The following PLPPR5 variants were observed in gnomAD, a reference collection of about 807,000 sequenced individuals.
PLPPR5 encodes the protein phospholipid phosphatase related 5, also known as phospholipid phosphatase-related protein type 5.
A neutral mutation model predicts 33.9 loss-of-function variants in PLPPR5; 16 were observed. The observed-to-expected ratio is 0.47, with a 90% CI of 0.32 to 0.72. The LOEUF is 0.72. Among genes scored for constraint, PLPPR5 ranks in the 30% least tolerant of loss-of-function variants. The pLI is 0.03. For synonymous variants in PLPPR5, 163 were observed against 150.3 expected, an observed-to-expected ratio of 1.08 and a Z score of -0.62; for missense variants, 301 against 406.7, an observed-to-expected ratio of 0.74 and a Z score of 2.23.
intron 1 of PLPPR5, among the ~76,000 whole-genome samples, chr1:98,963,304 A>T (rs771336846): frequency 1.3e-4 from 20 of 152,330 alleles, no homozygotes; most frequent in Non-Finnish European, 2.1e-4. Context: ...GGCACGTTGT[A>T]CATTTATTAT....
intron 1 of PLPPR5, among the ~76,000 whole-genome samples, chr1:99,001,677 T>TATATATAC (rs1570769910): frequency 1.4e-4 from 19 of 135,264 alleles, no homozygotes; most frequent in African/African-American, 4.6e-4. Flanking sequence ...TAAAGATATA[T>TATATATAC]ATATATATAT....
upstream of PLPPR5, chr1:99,005,173 G>C (rs913564533): frequency 6.6e-6 from 1 of 151,586 alleles, no homozygotes; most frequent in Non-Finnish European, 1.5e-5. Flanking sequence ...ATCAAAAGGG[G>C]GGGAGGGGAG....
At chr1:98,991,133 C>T (rs1318684606) in intron 1 of PLPPR5, 2 of 151,908 alleles carry the variant, frequency 1.3e-5, no homozygotes, top group East Asian at 1.9e-4. Flanking sequence ...ACAGTAAACC[C>T]AATTAGATGA....
At chr1:98,923,290 A>G (rs1478831164) in intron 3 of PLPPR5, among the ~76,000 whole-genome samples, 2 of 152,206 alleles carry the variant, frequency 1.3e-5, no homozygotes, top group Non-Finnish European at 2.9e-5. Context: ...AGCAATTGTA[A>G]AAGAAATGAC....
intron 3 of PLPPR5, among the ~76,000 whole-genome samples, chr1:98,947,356 T>G (rs536010354): frequency 6.6e-6 from 1 of 152,326 alleles, no homozygotes; most frequent in African/African-American, 2.4e-5. Flanking sequence ...TAAAGCCACA[T>G]GTCAATCACA....
chr1:98,990,705 CTT>C (rs1652422376), intron 1 of PLPPR5, among the ~76,000 whole-genome samples: 2 of 151,610 alleles, frequency 1.3e-5, no homozygotes, highest in Non-Finnish European at 2.9e-5. Context: ...AAACTAAAGA[CTT>C]GAGTTTTGGA....
At chr1:98,981,609 A>G (rs1007924041) in intron 1 of PLPPR5, among the ~76,000 whole-genome samples, 2 of 152,058 alleles carry the variant, frequency 1.3e-5, no homozygotes, top group Non-Finnish European at 2.9e-5. Flanking sequence ...CCTTTCTTCT[A>G]TCTCTGACTA....
chr1:98,949,425 T>C (rs1301311557), intron 3 of PLPPR5, among the ~76,000 whole-genome samples: 2 of 152,182 alleles, frequency 1.3e-5, no homozygotes, highest in East Asian at 3.8e-4. Flanking sequence ...CAGAAACATA[T>C]TTCTCAGTTA....
chr1:98,912,701 G>T (rs1442551043), intron 5 of PLPPR5, among the ~76,000 whole-genome samples: 1 of 152,164 alleles, frequency 6.6e-6, no homozygotes, highest in Non-Finnish European at 1.5e-5. Flanking sequence ...AAGGAAGAAG[G>T]TGAGAAGGAA....
intron 1 of PLPPR5, among the ~76,000 whole-genome samples, chr1:98,998,837 A>G (rs1364444983): frequency 2.6e-5 from 4 of 152,222 alleles, no homozygotes; most frequent in African/African-American, 9.6e-5. Flanking sequence ...TTTCTCATTT[A>G]TAAAATAAAT....
intron 4 of PLPPR5, among the ~76,000 whole-genome samples, chr1:98,917,383 C>T (rs2101155857): frequency 6.6e-6 from 1 of 152,294 alleles, no homozygotes; most frequent in South Asian, 2.1e-4. Context: ...TCTAAACTAT[C>T]TCTCTAAATC....
intron 3 of PLPPR5, among the ~76,000 whole-genome samples, chr1:98,942,512 G>A (rs1302387237): frequency 2.0e-5 from 3 of 152,198 alleles, no homozygotes; most frequent in Non-Finnish European, 4.4e-5. Flanking sequence ...GGCAGCCACA[G>A]AGGTAAATTT....
At chr1:98,895,024 G>A (rs900120116) in intron 5 of PLPPR5, among the ~76,000 whole-genome samples, 3 of 151,980 alleles carry the variant, frequency 2.0e-5, no homozygotes, top group African/African-American at 7.2e-5. Flanking sequence ...ACAACACAAG[G>A]ACAACAGGCT....
At chr1:98,982,828 G>A (rs1652105432) in intron 1 of PLPPR5, among the ~76,000 whole-genome samples, 1 of 152,026 alleles carries the variant, frequency 6.6e-6, no homozygotes, top group African/African-American at 2.4e-5. Context: ...GAGCCCCAAG[G>A]GTTGTAAGTT....
At chr1:98,951,271 A>T (rs1287986012) in intron 3 of PLPPR5, among the ~76,000 whole-genome samples, 1 of 152,238 alleles carries the variant, frequency 6.6e-6, no homozygotes, top group African/African-American at 2.4e-5. Context: ...ACATGTAGCC[A>T]AGAGATTTCT....
intron 4 of PLPPR5, 59 bp downstream of exon 4, chr1:98,921,823 C>G: frequency 7.3e-7 from 1 of 1,377,386 alleles, no homozygotes; most frequent in Non-Finnish European, 1.0e-6. Flanking sequence ...TGTATTTTCT[C>G]ATGGTGATTA....
Position 98,988,965 on chromosome 1 carries a change from G to T in PLPPR5, c.237+15470C>A, listed in dbSNP as rs80198121. Among the ~76,000 whole-genome samples the T allele has an allele frequency of 2.0e-5, 3 of 152,184 alleles. No homozygotes were observed. The East Asian group carries it at 5.8e-4, about 29-fold the overall frequency. On this transcript the variant is annotated intron_variant, in intron 1 of 5. Coordinates refer to ENST00000263177, the MANE Select transcript of PLPPR5 (RefSeq NM_001037317.2). ...TAGCAACATCCCTAACACAACTGCTGTTCAAGTTGTACCAGTGATCCCTTT... is the reference window on the plus strand; with the variant it reads ...TAGCAACATCCCTAACACAACTGCTTTTCAAGTTGTACCAGTGATCCCTTT...
intron 5 of PLPPR5, among the ~76,000 whole-genome samples, chr1:98,906,661 G>C (rs892147789): frequency 3.3e-5 from 5 of 152,036 alleles, no homozygotes; most frequent in Admixed American, 2.0e-4. Flanking sequence ...CTAACAACTG[G>C]GAACAATACT....
intron 1 of PLPPR5, among the ~76,000 whole-genome samples, chr1:99,000,791 A>T (rs1463809341): frequency 6.6e-6 from 1 of 152,198 alleles, no homozygotes; most frequent in African/African-American, 2.4e-5. Flanking sequence ...AATTACTTAT[A>T]TTATGATCTG....
Sources: allele counts gnomAD v4.1 joint callset (sites outside exome capture counted in the v4.1 genomes callset), GRCh38; gene constraint gnomAD v4.1.1; transcripts MANE v1.5; gene names NCBI Gene and HGNC (gene_info 2026-07-23, HGNC 2026-07-21).